The following SYT6 variants were observed in gnomAD, a reference collection of about 807,000 sequenced individuals.
The protein encoded by SYT6 is synaptotagmin-6.
SYT6 carries 24 observed loss-of-function variants against 38.4 expected under a neutral mutation model. The ratio of observed to expected loss-of-function variants is 0.62; its 90% confidence interval spans 0.45 to 0.88. SYT6 has a LOEUF of 0.88. SYT6 is among the 40% of genes least tolerant of loss of function. The probability of loss-of-function intolerance (pLI) is 0.00; values close to 1 mark genes in which losing one functional copy is unlikely to be tolerated. For synonymous variants in SYT6, 265 were observed against 241.9 expected, an observed-to-expected ratio of 1.10 and a Z score of -0.89; for missense variants, 611 against 621.0, an observed-to-expected ratio of 0.98 and a Z score of 0.17.
chr1:114,102,810 C>T (rs1676047489), intron 4 of SYT6, among the ~76,000 whole-genome samples: 1 of 151,982 alleles, frequency 6.6e-6, no homozygotes, highest in African/African-American at 2.4e-5. Flanking sequence ...CATTTCACTC[C>T]TCAGAGCAGT....
chr1:114,103,971 C>A (rs1183728371), intron 3 of SYT6, among the ~76,000 whole-genome samples: 2 of 152,136 alleles, frequency 1.3e-5, no homozygotes, highest in Non-Finnish European at 1.5e-5. Context: ...CACATTCTGA[C>A]CCTGGTCCTT....
rs1675263357 is a variant in SYT6 at position 114,090,878 on chromosome 1, A to T, written c.*1256T>A. ...AAACTGAGTTTGGCCTAAGGTAAAG[A>T]TCTAAAGGAAACAAGAAACCCTCAC... On this transcript the variant is annotated 3_prime_UTR_variant, in exon 8 of 8. Coordinates refer to ENST00000610222, the MANE Select transcript of SYT6 (RefSeq NM_001253772.2). The T allele has an allele frequency of 6.5e-6, 1 of 152,826 alleles. No homozygotes were observed. Among genetic ancestry groups the T allele is most frequent in the Non-Finnish European group, 1.5e-5 (1 of 68,048 alleles). The allele number at this position is 152,826 out of a possible 1,614,324, so 9.5% of individuals were successfully genotyped here.
chr1:114,129,167 C>G (rs1205650669), intron 3 of SYT6, among the ~76,000 whole-genome samples: 2 of 152,250 alleles, frequency 1.3e-5, no homozygotes, highest in Non-Finnish European at 1.5e-5. Flanking sequence ...ACACCTTAGA[C>G]CCTCCACCCA....
rs1049264961 is a variant in SYT6 at position 114,090,941 on chromosome 1, T to G, written c.*1193A>C. 7.9e-5 allele frequency: 12 copies of G among 152,856 alleles called. No homozygotes were observed. Among genetic ancestry groups the G allele is most frequent in the African/African-American group, 2.9e-4 (12 of 41,438 alleles). 9.5% of individuals were successfully genotyped at this position (152,856 alleles called of 1,614,324 possible). A position where few individuals can be genotyped will look rare whatever the true frequency, so the allele number is the denominator to read the frequency against. Reference sequence around the variant, plus strand: ...AAACAACACTGAAGTACTTAGTAATTTATAGAACTAAAGTTTAAGATGAAT... The same window carrying G: ...AAACAACACTGAAGTACTTAGTAATGTATAGAACTAAAGTTTAAGATGAAT... On this transcript the variant is annotated 3_prime_UTR_variant, in exon 8 of 8. Coordinates refer to ENST00000610222, the MANE Select transcript of SYT6 (RefSeq NM_001253772.2).
rs567869541 is a variant in SYT6, at chr1:114,145,423, C to A, written c.164-5460G>T. ...GTGGTGAAACTGGGCTACAACCCAG[C>A]CAGTCTGGTTCTGAAGTATCACCTC... On this transcript the variant is annotated intron_variant, in intron 1 of 7. Coordinates refer to ENST00000610222, the MANE Select transcript of SYT6 (RefSeq NM_001253772.2). 5.3e-5 allele frequency among the ~76,000 whole-genome samples: 8 copies of A among 151,914 alleles called. No homozygotes were observed. In the South Asian group the frequency reaches 8.4e-4, roughly 16 times the overall value.
intron 1 of SYT6, among the ~76,000 whole-genome samples, chr1:114,143,985 GA>G (rs895555269): frequency 1.3e-5 from 2 of 152,214 alleles, no homozygotes; most frequent in African/African-American, 4.8e-5. Context: ...TCGGAGTAGA[GA>G]AGTTAGAAGG....
At chr1:114,112,671 G>A (rs920366299) in intron 3 of SYT6, among the ~76,000 whole-genome samples, 1 of 152,238 alleles carries the variant, frequency 6.6e-6, no homozygotes, top group East Asian at 1.9e-4. Context: ...GTGCCTGAGA[G>A]CCCAGAGCCG....
intron 3 of SYT6, among the ~76,000 whole-genome samples, chr1:114,115,866 GA>G (rs1266026770): frequency 1.3e-5 from 2 of 152,110 alleles, no homozygotes; most frequent in Non-Finnish European, 2.9e-5. Context: ...TGTTGACTCT[GA>G]AGGTGTTGCT....
chr1:114,140,528 T>C (rs923882075), intron 1 of SYT6, among the ~76,000 whole-genome samples: 8 of 152,124 alleles, frequency 5.3e-5, no homozygotes, highest in South Asian at 4.1e-4. Context: ...TCAATAAACA[T>C]TGAGTTGACT....
At chr1:114,149,217 T>TTGTGTGTGTGTGTGTGTGTG (rs879834403) in intron 1 of SYT6, among the ~76,000 whole-genome samples, 32 of 38,014 alleles carry the variant, frequency 8.4e-4, no homozygotes, top group African/African-American at 3.6e-3. Context: ...GAGAGAGAGA[T>TTGTGTGTGTGTGTGTGTGTG]TGTGTGTGTG....
Position 114,102,006 on chromosome 1 carries a change from G to C in SYT6, c.1192+1595C>G, listed in dbSNP as rs148026461. ...AGGGGCAATTGTGAAAGGGAGGTTA[G>C]AACTTAGCAAGAACAAAATCTCACA... On this transcript the variant is annotated intron_variant, in intron 4 of 7. Coordinates refer to ENST00000610222, the MANE Select transcript of SYT6 (RefSeq NM_001253772.2). 9.2e-3 allele frequency among the ~76,000 whole-genome samples: 1,394 copies of C among 152,248 alleles called. 19 individuals are homozygous for C. The highest frequency in any genetic ancestry group is 0.031 in the African/African-American group (1,306 of 41,530).
chr1:114,109,366 A>G (rs1676534443), intron 3 of SYT6, among the ~76,000 whole-genome samples: 1 of 152,194 alleles, frequency 6.6e-6, no homozygotes, highest in Admixed American at 6.5e-5. Flanking sequence ...TGCTCAGCAA[A>G]TACTGGCTAA....
rs1571912099 is a variant in SYT6, at chr1:114,153,856, A to C, written c.-84T>G. 1 of 557,538 alleles carries C rather than the reference A, an allele frequency of 1.8e-6. No homozygotes were observed. Among genetic ancestry groups the C allele is most frequent in the Admixed American group, 3.7e-5 (1 of 27,086 alleles). 34.5% of individuals were successfully genotyped at this position (557,538 alleles called of 1,614,324 possible). ...GGCGGGGCACGACGGCCCCAAGAAG[A>C]CCCTCCCTGCAGCGGCCCCCTGCGG... is the stretch of plus-strand genomic sequence containing the variant. On this transcript the variant is annotated 5_prime_UTR_variant, in exon 1 of 8. Coordinates refer to ENST00000610222, the MANE Select transcript of SYT6 (RefSeq NM_001253772.2).
At chr1:114,105,309 C>CA (rs869292276) in intron 3 of SYT6, among the ~76,000 whole-genome samples, 1 of 64,544 alleles carries the variant, frequency 1.5e-5, no homozygotes, top group Admixed American at 1.7e-4. Flanking sequence ...CAGCCCTGTT[C>CA]CCCCCCTGGA....
chr1:114,092,218 A>T, intron 7 of SYT6, 136 bp from the exon 8 acceptor site: 1 of 799,548 alleles, frequency 1.3e-6, no homozygotes. Context: ...GCTGTCAGCC[A>T]TGCAAAAACA....
intron 1 of SYT6, among the ~76,000 whole-genome samples, chr1:114,146,748 A>C (rs939279991): frequency 6.6e-6 from 1 of 152,226 alleles, no homozygotes; most frequent in Non-Finnish European, 1.5e-5. Context: ...AGAAGGAAGC[A>C]TTGCCCTGAA....
At chr1:114,105,941 A>G (rs1007431810) in intron 3 of SYT6, among the ~76,000 whole-genome samples, 5 of 152,134 alleles carry the variant, frequency 3.3e-5, no homozygotes, top group African/African-American at 1.2e-4. Flanking sequence ...TGTGGAGAGT[A>G]TGCAGTCCCC....
chr1:114,093,674 G>A, intron 7 of SYT6, 61 bp downstream of exon 7: 1 of 1,508,294 alleles, frequency 6.6e-7, no homozygotes, highest in East Asian at 2.3e-5. Context: ...CACACTAGGG[G>A]AAGAAGGAGA....
chr1:114,147,860 T>C (rs1386813931), intron 1 of SYT6, among the ~76,000 whole-genome samples: 1 of 152,234 alleles, frequency 6.6e-6, no homozygotes. Flanking sequence ...CCCCAAAATG[T>C]AAGCTGCTGT....
Sources: gnomAD v4.1 joint callset for allele counts (sites outside exome capture counted in the v4.1 genomes callset) on GRCh38, gnomAD v4.1.1 for gene constraint, MANE v1.5 for transcripts, NCBI Gene and HGNC (gene_info 2026-07-23, HGNC 2026-07-21) for gene names.